Variants in CHSY3 observed in about 807,000 individuals in gnomAD.
CHSY3 encodes the protein N-acetylgalactosaminyl-proteoglycan 3-beta-glucuronosyltransferase 3.
Under a neutral mutation model 67.2 loss-of-function variants are expected in CHSY3, and 35 were observed. The ratio of observed to expected loss-of-function variants is 0.52; its 90% CI spans 0.40 to 0.69. The LOEUF is 0.69. Ranked by LOEUF, CHSY3 falls within the 30% of genes least tolerant of loss-of-function variation. The probability of loss-of-function intolerance (pLI) is 0.00; values close to 1 mark genes in which losing one functional copy is unlikely to be tolerated. For missense variants in CHSY3, 1,069 were observed against 1,138.5 expected (o/e 0.94, Z 0.88); for synonymous variants, 474 against 434.7 (o/e 1.09, Z -1.12).
At chr5:130,171,923 G>GA (rs145601603) in intron 2 of CHSY3, among the ~76,000 whole-genome samples, 48 of 152,204 alleles carry the variant, frequency 3.2e-4, no homozygotes, top group African/African-American at 1.0e-3. Context: ...AAACTAACTG[G>GA]AAAAAAGAAG....
At chr5:130,147,668 G>A (rs1056467825) in intron 2 of CHSY3, among the ~76,000 whole-genome samples, 1 of 152,164 alleles carries the variant, frequency 6.6e-6, no homozygotes, top group African/African-American at 2.4e-5. Flanking sequence ...CTCGGCATCT[G>A]CTCAGCTTCT....
intron 2 of CHSY3, among the ~76,000 whole-genome samples, chr5:130,172,075 C>T (rs1469736366): frequency 6.6e-6 from 1 of 152,114 alleles, no homozygotes; most frequent in Non-Finnish European, 1.5e-5. Context: ...GTCTGCTTTT[C>T]TTTCTCTAGG....
intron 2 of CHSY3, among the ~76,000 whole-genome samples, chr5:130,038,110 G>C (rs1356768916): frequency 6.6e-6 from 1 of 152,084 alleles, no homozygotes; most frequent in African/African-American, 2.4e-5. Flanking sequence ...CTGCCACAGA[G>C]GGAGTTGCTG....
chr5:130,140,968 C>A, intron 2 of CHSY3: 1 of 762,518 alleles, frequency 1.3e-6, no homozygotes, highest in Non-Finnish European at 1.6e-6. Context: ...GCACTCTAGA[C>A]TCCGTAGAGA....
At chr5:130,022,094 C>G (rs1379562792) in intron 2 of CHSY3, among the ~76,000 whole-genome samples, 1 of 151,994 alleles carries the variant, frequency 6.6e-6, no homozygotes, top group East Asian at 1.9e-4. Flanking sequence ...AAATACCCTC[C>G]AGGGAGGGCT....
In CHSY3 at chr5:130,164,624, C is replaced by T. The variant is rs75413836; in HGVS notation, c.1087-19605C>T. Among the ~76,000 whole-genome samples the T allele has an allele frequency of 9.2e-3, 1,398 of 152,186 alleles. 26 individuals are homozygous for T. The highest frequency in any genetic ancestry group is 0.033 in the African/African-American group (1,350 of 41,516). ...CTTTTCTGAAAATCTAGAATCCATT[C>T]ATAGGCATGTGATGTGCATTGAGTC... On this transcript the variant is annotated intron_variant, in intron 2 of 2. Transcript: ENST00000305031.
At chr5:130,170,359 A>G (rs1232785283) in intron 2 of CHSY3, among the ~76,000 whole-genome samples, 2 of 152,042 alleles carry the variant, frequency 1.3e-5, no homozygotes, top group Non-Finnish European at 2.9e-5. Flanking sequence ...GTGTGTATAT[A>G]CCACATTTTC....
intron 2 of CHSY3, among the ~76,000 whole-genome samples, chr5:129,958,196 A>G (rs1020505074): frequency 2.0e-5 from 3 of 152,104 alleles, no homozygotes; most frequent in African/African-American, 4.8e-5. Context: ...TTTCTTTGCT[A>G]TCTTGAATTA....
At position 130,088,557 on chromosome 5, in the gene CHSY3, C is replaced by T. The variant is rs563026966; in HGVS notation, c.1087-95672C>T. On this transcript the variant is annotated intron_variant, in intron 2 of 2. Transcript: ENST00000305031. ...AAAAACAACCCCATCGAAAAGTGGG[C>T]GAAGGACATGAACAGACACTTCTCA... Among the ~76,000 whole-genome samples, 513 of 152,150 alleles carry T rather than the reference C, an allele frequency of 3.4e-3. 2 individuals are homozygous for T. Among genetic ancestry groups the T allele is most frequent in the Middle Eastern group, 0.024 (7 of 294 alleles).
At chr5:130,127,664 G>T (rs55828044) in intron 2 of CHSY3, among the ~76,000 whole-genome samples, 2 of 151,972 alleles carry the variant, frequency 1.3e-5, no homozygotes, top group Admixed American at 1.3e-4. Context: ...CAGTCACAAA[G>T]GTAATAAGAA....
chr5:130,121,241 C>G (rs1768012065), intron 2 of CHSY3, among the ~76,000 whole-genome samples: 1 of 152,144 alleles, frequency 6.6e-6, no homozygotes, highest in African/African-American at 2.4e-5. Flanking sequence ...GTTCTAAAAT[C>G]TAATCGTGTT....
chr5:130,000,814 T>C (rs1450676634), intron 2 of CHSY3, among the ~76,000 whole-genome samples: 2 of 137,402 alleles, frequency 1.5e-5, no homozygotes, highest in African/African-American at 5.4e-5. Flanking sequence ...TGGGCTTAAG[T>C]CATATTCCAG....
intron 2 of CHSY3, among the ~76,000 whole-genome samples, chr5:130,099,697 T>C (rs1015929043): frequency 6.6e-5 from 10 of 152,220 alleles, no homozygotes; most frequent in African/African-American, 2.4e-4. Flanking sequence ...GTGAATACTC[T>C]TATAAGTGCA....
At chr5:129,927,572 G>C (rs1453016108) in intron 2 of CHSY3, among the ~76,000 whole-genome samples, 2 of 151,966 alleles carry the variant, frequency 1.3e-5, no homozygotes, top group Non-Finnish European at 2.9e-5. Context: ...AAATTTGGCA[G>C]ACAACTGTAA....
At chr5:129,940,772 C>CAT (rs199635502) in intron 2 of CHSY3, among the ~76,000 whole-genome samples, 2,031 of 151,768 alleles carry the variant, frequency 0.013, 21 homozygotes, top group South Asian at 0.036. Context: ...TTTATATATA[C>CAT]ATATATATAT....
chr5:129,931,809 C>G (rs928939547), intron 2 of CHSY3, among the ~76,000 whole-genome samples: 3 of 151,900 alleles, frequency 2.0e-5, no homozygotes, highest in Non-Finnish European at 4.4e-5. Flanking sequence ...TTTGTCTTTT[C>G]TGCATGGATG....
chr5:130,035,769 C>T (rs531350667), intron 2 of CHSY3, among the ~76,000 whole-genome samples: 9 of 151,756 alleles, frequency 5.9e-5, no homozygotes, highest in African/African-American at 1.9e-4. Flanking sequence ...ATGACAAGAT[C>T]AGTGCAGGTA....
At chr5:130,112,725 A>G (rs1767628494) in intron 2 of CHSY3, among the ~76,000 whole-genome samples, 1 of 152,112 alleles carries the variant, frequency 6.6e-6, no homozygotes, top group Non-Finnish European at 1.5e-5. Flanking sequence ...CTGTGTGTAA[A>G]ATGTACAAGC....
chr5:130,025,600 C>G (rs1162466178), intron 2 of CHSY3, among the ~76,000 whole-genome samples: 2 of 152,082 alleles, frequency 1.3e-5, no homozygotes, highest in South Asian at 2.1e-4. Context: ...TCTCACTGTT[C>G]TGGAGGCTGA....
Sources: allele counts gnomAD v4.1 joint callset (sites outside exome capture counted in the v4.1 genomes callset), GRCh38; gene constraint gnomAD v4.1.1; transcripts MANE v1.5; gene names NCBI Gene and HGNC (gene_info 2026-07-23, HGNC 2026-07-21).